The following CYB561 variants were observed in gnomAD, a reference collection of about 807,000 sequenced individuals.
The protein encoded by CYB561 is cytochrome b561.
Under a neutral mutation model 25.3 loss-of-function variants are expected in CYB561, and 11 were observed. The ratio of observed to expected loss-of-function variants is 0.44; its 90% CI spans 0.27 to 0.72. The LOEUF (loss-of-function observed/expected upper bound fraction) is 0.72, where lower values mean the gene tolerates loss of function less well. CYB561 is among the 30% of genes least tolerant of loss of function. CYB561 has a pLI of 0.18. For synonymous variants in CYB561, 165 were observed against 158.8 expected (o/e 1.04, Z -0.29); for missense variants, 295 against 334.9 (o/e 0.88, Z 0.93).
chr17:63,444,561 C>A (rs768887834), intron 1 of CYB561, among the ~76,000 whole-genome samples: 8 of 152,148 alleles, frequency 5.3e-5, no homozygotes, highest in Non-Finnish European at 1.0e-4. Flanking sequence ...AGGTTTGGGG[C>A]CACAGAGAGC....
Position 63,434,542 on chromosome 17 carries a change from G to GGCCCAGCAC in CYB561, c.607_615dup (p.Val203_Gly205dup), listed in dbSNP as rs1361716709. 1.1e-5 allele frequency: 17 copies of GGCCCAGCAC among 1,613,198 alleles called. No homozygotes were observed. Among genetic ancestry groups the GGCCCAGCAC allele is most frequent in the African/African-American group, 1.3e-5 (1 of 74,942 alleles). ...GCCCCACCGAAGCAGGCCAGCAGCA[G>GGCCCAGCAC]GCCCAGCACGTTGGCCAGGACACCC... is the stretch of plus-strand genomic sequence containing the variant. On this transcript the variant is annotated inframe_insertion, in exon 6 of 6. Coordinates refer to ENST00000360793, the MANE Select transcript of CYB561 (RefSeq NM_001915.4).
intron 1 of CYB561, chr17:63,439,286 A>C (rs2049351024): frequency 6.6e-6 from 1 of 152,038 alleles, no homozygotes. Flanking sequence ...CTATAATCCC[A>C]GCACCTGGGG....
chr17:63,439,532 CA>C (rs1025341223), intron 1 of CYB561, among the ~76,000 whole-genome samples: 2 of 147,688 alleles, frequency 1.4e-5, no homozygotes, highest in African/African-American at 5.0e-5. Context: ...GACTCTGTCT[CA>C]AAAAAAATTT....
At chr17:63,442,390 A>C (rs1451425518) in intron 1 of CYB561, among the ~76,000 whole-genome samples, 2 of 152,172 alleles carry the variant, frequency 1.3e-5, no homozygotes, top group Non-Finnish European at 2.9e-5. Flanking sequence ...TGCATTTGCA[A>C]ACCTGGACAT....
chr17:63,437,637 C>T, intron 1 of CYB561, 77 bp from the exon 2 acceptor site: 1 of 1,208,806 alleles, frequency 8.3e-7, no homozygotes, highest in Non-Finnish European at 1.1e-6. Context: ...ATGCACACAG[C>T]CCCCCAAGAT....
intron 1 of CYB561, among the ~76,000 whole-genome samples, chr17:63,441,938 G>A (rs984993168): frequency 6.6e-6 from 1 of 152,226 alleles, no homozygotes; most frequent in Non-Finnish European, 1.5e-5. Context: ...AGAGGGAAGG[G>A]GTTACAGGAG....
At position 63,435,171 on chromosome 17, in the gene CYB561, G is replaced by A; in HGVS notation, c.478C>T (p.His160Tyr). 1.2e-6 allele frequency: 2 copies of A among 1,614,246 alleles called. No individual in the cohort carries two copies. The highest frequency in any genetic ancestry group is 1.7e-6 in the Non-Finnish European group (2 of 1,180,048). ...AAGATGGTAGCACCAAAGAAGATGT[G>A]CTGTGGGCGGTAGCGGCTCCGCAGG... ...FSLRSRYRPQ[H>Y]IFFGATIFLL... Residue 160 changes from histidine to tyrosine, a missense_variant, in exon 5 of 6, where the codon CAC becomes TAC. Coordinates refer to ENST00000360793, the MANE Select transcript of CYB561 (RefSeq NM_001915.4).
chr17:63,443,092 A>C (rs1233368053), intron 1 of CYB561, among the ~76,000 whole-genome samples: 3 of 152,170 alleles, frequency 2.0e-5, no homozygotes, highest in Admixed American at 6.5e-5. Flanking sequence ...GAAGGGGAAA[A>C]CAGCTCAATT....
Position 63,436,304 on chromosome 17 carries a change from TC to T in CYB561, c.203-153del. 9.7e-7 allele frequency: 1 copy of T among 1,028,954 alleles called. No individual in the cohort carries two copies. Among genetic ancestry groups the T allele is most frequent in the East Asian group, 2.7e-5 (1 of 37,456 alleles). The allele number at this position is 1,028,954 out of a possible 1,614,324, so 63.7% of individuals were successfully genotyped here. ...CAGGAACCGGAGGAGAAAGCCAGGT[TC>T]CCTGGGGACCCTGGGCAGCTCCTGG... On this transcript the variant is annotated intron_variant, in intron 2 of 5. Coordinates refer to ENST00000360793, the MANE Select transcript of CYB561 (RefSeq NM_001915.4). The surrounding 1 kb of genome is among the most constrained non-coding windows in gnomAD (Gnocchi z 4.8).
Position 63,436,102 on chromosome 17 carries a change from C to T in CYB561, c.253G>A (p.Val85Ile). Residue 85 changes from valine (V) to isoleucine (I), a missense_variant, in exon 3 of 6, where the codon GTC (valine) becomes ATC (isoleucine). Val to Ile is a conservative substitution (Grantham distance 29). Transcript: ENST00000360793. The surrounding 1 kb of genome is among the most constrained non-coding windows in gnomAD (Gnocchi z 4.8). ...FRNEAKRTTK[V>I]LHGLLHIFAL... ...AAGATGTGCAGCAGCCCGTGCAGGA[C>T]CTTGGTGGTGCGTTTAGCTTCGTTC... The T allele has an allele frequency of 6.2e-7, 1 of 1,614,192 alleles. No homozygotes were observed. Among genetic ancestry groups the T allele is most frequent in the Non-Finnish European group, 8.5e-7 (1 of 1,180,028 alleles).
At chr17:63,434,735 TC>T (rs2049275209) in intron 5 of CYB561, 141 bp from the exon 6 acceptor site, 4 of 688,832 alleles carry the variant, frequency 5.8e-6, no homozygotes, top group African/African-American at 1.8e-5. Context: ...AGAACAACCA[TC>T]CCCCCGCCCC....
chr17:63,446,099 A>G (rs1408961089), intron 1 of CYB561, 146 bp downstream of exon 1: 1 of 152,200 alleles, frequency 6.6e-6, no homozygotes, highest in Non-Finnish European at 1.5e-5. Context: ...GCCGCAGTCC[A>G]GTGCGCGGCC....
chr17:63,437,539 G>T lies in CYB561; in HGVS notation c.9C>A (p.Gly3=). ...CTGTGGGGGTGGCTGCCGCGGCCCC[G>T]CCCTCCATGCTGAGGCAAACGCTGC... is the stretch of plus-strand genomic sequence containing the variant. ME[G]GAAAATPTAL... Residue 3 remains glycine, a synonymous_variant, in exon 2 of 6, where the codon GGC becomes GGA. Coordinates refer to ENST00000360793, the MANE Select transcript of CYB561 (RefSeq NM_001915.4). 6.2e-7 allele frequency: 1 copy of T among 1,609,178 alleles called. No homozygotes were observed. Among genetic ancestry groups the T allele is most frequent in the Non-Finnish European group, 8.5e-7 (1 of 1,179,692 alleles).
In CYB561 at chr17:63,438,217, T is replaced by C. The variant is rs1014900335; in HGVS notation, c.-13-657A>G. 2.6e-6 allele frequency: 4 copies of C among 1,535,390 alleles called. No individual in the cohort carries two copies. In the African/African-American group the frequency reaches 4.1e-5, roughly 16 times the overall value. On this transcript the variant is annotated intron_variant, in intron 1 of 5. Coordinates refer to ENST00000360793, the MANE Select transcript of CYB561 (RefSeq NM_001915.4). ...TCAAGGGCCCAGTGCCCGGCTTTGT[T>C]TTCTGTTTCATGAGGCCCTGGCCTT...
chr17:63,434,249 C>T lies in CYB561; in HGVS notation c.*153G>A. 1.5e-6 allele frequency: 1 copy of T among 649,964 alleles called. No homozygotes were observed. The highest frequency in any genetic ancestry group is 2.6e-6 in the Non-Finnish European group (1 of 383,336). 40.3% of individuals were successfully genotyped at this position (649,964 alleles called of 1,614,324 possible). ...AAAGGAGAAGCAGAGGAGGCGGAGA[C>T]CTGACCCCAGAAAGCAGCACTCAAA... On this transcript the variant is annotated 3_prime_UTR_variant, in exon 6 of 6. Transcript: ENST00000360793.
chr17:63,437,704 A>C, intron 1 of CYB561, 144 bp from the exon 2 acceptor site: 1 of 495,462 alleles, frequency 2.0e-6, no homozygotes, highest in Non-Finnish European at 3.4e-6. Flanking sequence ...CCGCCCCCGG[A>C]GATAAGCACG....
chr17:63,444,518 G>C (rs1178892387), intron 1 of CYB561, among the ~76,000 whole-genome samples: 1 of 152,162 alleles, frequency 6.6e-6, no homozygotes, highest in East Asian at 1.9e-4. Context: ...GGTCCTAAGA[G>C]CACCTTAGAA....
chr17:63,444,827 G>A lies in CYB561; in HGVS notation c.-14+1418C>T, dbSNP rs1356320065. Among the ~76,000 whole-genome samples, 6 of 152,176 alleles carry A rather than the reference G, an allele frequency of 3.9e-5. No homozygotes were observed. In the East Asian group the frequency reaches 1.2e-3, roughly 29 times the overall value. On this transcript the variant is annotated intron_variant, in intron 1 of 5. Transcript: ENST00000360793. ...CATCTAATGCCACTGAACCATCCCA[G>A]TATTAGCAGGAGCCCAAGCTCTGCC... is the stretch of plus-strand genomic sequence containing the variant.
At chr17:63,435,969 G>A (rs755189119) in intron 3 of CYB561, 85 bp downstream of exon 3, 8 of 1,607,882 alleles carry the variant, frequency 5.0e-6, no homozygotes, top group Non-Finnish European at 6.8e-6. Flanking sequence ...ACAGCTCTGG[G>A]GAGGGAACAG....
Sources: allele counts gnomAD v4.1 joint callset (sites outside exome capture counted in the v4.1 genomes callset), GRCh38; gene constraint gnomAD v4.1.1; non-coding constraint Gnocchi (gnomAD v3.1); transcripts MANE v1.5; gene names NCBI Gene and HGNC (gene_info 2026-07-23, HGNC 2026-07-21).